GABRG3: variants seen among roughly 807,000 people sequenced by gnomAD.
The protein encoded by GABRG3 is gamma-aminobutyric acid receptor subunit gamma-3.
A neutral mutation model predicts 48.8 loss-of-function variants in GABRG3; 25 were observed. That is an observed-to-expected ratio of 0.51 (90% CI 0.37 to 0.72). The LOEUF is 0.72. GABRG3 is among the 30% of genes least tolerant of loss of function. GABRG3 has a pLI of 0.00. For missense variants in GABRG3, 394 were observed against 577.9 expected (o/e 0.68, Z 3.26); for synonymous variants, 227 against 217.6 (o/e 1.04, Z -0.38).
intron 5 of GABRG3, among the ~76,000 whole-genome samples, chr15:27,467,717 C>T (rs1342918095): frequency 6.6e-6 from 1 of 152,180 alleles, no homozygotes; most frequent in East Asian, 1.9e-4. Context: ...CAACTTTCTT[C>T]TATTTTGGCT....
At chr15:27,222,412 A>G (rs983599542) in intron 3 of GABRG3, among the ~76,000 whole-genome samples, 2 of 152,256 alleles carry the variant, frequency 1.3e-5, no homozygotes, top group Non-Finnish European at 2.9e-5. Flanking sequence ...TACTATTAAT[A>G]TGATTCCTCT....
At chr15:27,035,643 G>A (rs1896163768) in intron 3 of GABRG3, among the ~76,000 whole-genome samples, 1 of 152,196 alleles carries the variant, frequency 6.6e-6, no homozygotes, top group Non-Finnish European at 1.5e-5. Flanking sequence ...TTTGCTGCAA[G>A]CCCCCGCACA....
intron 5 of GABRG3, among the ~76,000 whole-genome samples, chr15:27,445,092 C>T (rs1284494365): frequency 6.6e-6 from 1 of 152,100 alleles, no homozygotes; most frequent in Non-Finnish European, 1.5e-5. Context: ...AGGCTGGTCT[C>T]GAACTCCTGA....
chr15:27,279,925 T>C (rs1195096606), intron 3 of GABRG3, among the ~76,000 whole-genome samples: 1 of 152,160 alleles, frequency 6.6e-6, no homozygotes, highest in Non-Finnish European at 1.5e-5. Context: ...TTTTTAAAAT[T>C]CGTGTTTTTT....
intron 6 of GABRG3, among the ~76,000 whole-genome samples, chr15:27,518,258 A>T (rs1263219772): frequency 6.6e-6 from 1 of 151,536 alleles, no homozygotes; most frequent in African/African-American, 2.4e-5. Flanking sequence ...AATCCCAGCT[A>T]CTTGAAAGGC....
At position 27,431,118 on chromosome 15, in the gene GABRG3, AC is replaced by A. The variant is rs773762762; in HGVS notation, c.575-49531del. Among the ~76,000 whole-genome samples the A allele has an allele frequency of 3.6e-4, 55 of 152,142 alleles. No homozygotes were observed. The South Asian group carries it at 0.011, about 30-fold the overall frequency. On this transcript the variant is annotated intron_variant, in intron 5 of 9. Coordinates refer to ENST00000615808, the MANE Select transcript of GABRG3 (RefSeq NM_033223.5). ...CCATCTATCCTTATGACAGTAGCAC[AC>A]TATATTTATTAGTGAAGCTCTTTAG...
chr15:27,306,263 T>C lies in GABRG3; in HGVS notation c.271-20546T>C, dbSNP rs535075377. Among the ~76,000 whole-genome samples, 18 of 139,634 alleles carry C rather than the reference T, an allele frequency of 1.3e-4. 2 individuals are homozygous for C. Among genetic ancestry groups the C allele is most frequent in the African/African-American group, 4.5e-4 (17 of 38,198 alleles). 91.6% of individuals were successfully genotyped at this position (139,634 alleles called of 152,430 possible). ...TAAACATAATATAAACATGTCTATATGTAAACATATATAACATAAACATGT... is the reference window on the plus strand; with the variant it reads ...TAAACATAATATAAACATGTCTATACGTAAACATATATAACATAAACATGT... On this transcript the variant is annotated intron_variant, in intron 3 of 9. Transcript: ENST00000615808.
Position 27,352,194 on chromosome 15 carries a change from C to A in GABRG3, c.574+23306C>A, listed in dbSNP as rs1205590290. On this transcript the variant is annotated intron_variant, in intron 5 of 9. Transcript: ENST00000615808. The surrounding 1 kb of genome is among the most constrained non-coding windows in gnomAD (Gnocchi z 4.0). ...GTATGGTGTGTGTGTTTGTGTGTATCTTGGATCCTTTTAAGACTGCGTGGC... is the reference window on the plus strand; with the variant it reads ...GTATGGTGTGTGTGTTTGTGTGTATATTGGATCCTTTTAAGACTGCGTGGC... Among the ~76,000 whole-genome samples the A allele has an allele frequency of 6.6e-6, 1 of 151,370 alleles. No homozygotes were observed. The highest frequency in any genetic ancestry group is 1.5e-5 in the Non-Finnish European group (1 of 67,816).
intron 5 of GABRG3, among the ~76,000 whole-genome samples, chr15:27,475,890 A>T (rs1476457263): frequency 2.0e-5 from 3 of 151,886 alleles, no homozygotes; most frequent in African/African-American, 7.3e-5. Context: ...GTTAATAGTG[A>T]TGTGGTGGTG....
chr15:27,062,288 C>G (rs1896660540), intron 3 of GABRG3, among the ~76,000 whole-genome samples: 2 of 151,824 alleles, frequency 1.3e-5, no homozygotes, highest in Non-Finnish European at 2.9e-5. Flanking sequence ...TGAGTTCACC[C>G]TGACCACTTT....
At chr15:27,037,550 C>G (rs1251048121) in intron 3 of GABRG3, among the ~76,000 whole-genome samples, 1 of 152,124 alleles carries the variant, frequency 6.6e-6, no homozygotes, top group African/African-American at 2.4e-5. Flanking sequence ...AGTTGTGTGT[C>G]TCTTCCCATA....
chr15:27,273,332 A>G (rs1031899196), intron 3 of GABRG3, among the ~76,000 whole-genome samples: 3 of 152,258 alleles, frequency 2.0e-5, no homozygotes, highest in African/African-American at 2.4e-5. Context: ...CTTAAAAAAC[A>G]TAGAAGTTTA....
intron 3 of GABRG3, among the ~76,000 whole-genome samples, chr15:27,265,009 T>C (rs1216740523): frequency 2.0e-5 from 3 of 152,140 alleles, no homozygotes; most frequent in Non-Finnish European, 4.4e-5. Flanking sequence ...GTTCTCACCA[T>C]TATAATCATC....
chr15:27,047,813 G>A (rs1403548106), intron 3 of GABRG3, among the ~76,000 whole-genome samples: 2 of 152,174 alleles, frequency 1.3e-5, no homozygotes, highest in African/African-American at 4.8e-5. Flanking sequence ...ATGGAATCAG[G>A]ATGGATTACC....
chr15:27,241,785 C>T (rs370790171), intron 3 of GABRG3, among the ~76,000 whole-genome samples: 5 of 152,312 alleles, frequency 3.3e-5, no homozygotes, highest in East Asian at 3.9e-4. Context: ...TCTTCTCACG[C>T]TATGTCTCTT....
intron 3 of GABRG3, among the ~76,000 whole-genome samples, chr15:27,081,492 A>G (rs1896991618): frequency 6.6e-6 from 1 of 152,224 alleles, no homozygotes; most frequent in African/African-American, 2.4e-5. Context: ...TTGAATAGAA[A>G]TACATTCATT....
At chr15:27,513,238 G>C (rs1296111420) in intron 6 of GABRG3, among the ~76,000 whole-genome samples, 1 of 152,028 alleles carries the variant, frequency 6.6e-6, no homozygotes, top group African/African-American at 2.4e-5. Context: ...ACGAGGTCAG[G>C]AGATCGAGAC....
chr15:27,343,099 C>A lies in GABRG3; in HGVS notation c.574+14211C>A, dbSNP rs140281602. 4.9e-3 allele frequency among the ~76,000 whole-genome samples: 750 copies of A among 152,320 alleles called. 9 individuals are homozygous for A. Among genetic ancestry groups the A allele is most frequent in the African/African-American group, 0.017 (715 of 41,582 alleles). ...TTCTCCTTTAAGCTCCCCTGCCCTTCGCGGTGGCTCATGGATGGTACTGTG... is the reference window on the plus strand; with the variant it reads ...TTCTCCTTTAAGCTCCCCTGCCCTTAGCGGTGGCTCATGGATGGTACTGTG... On this transcript the variant is annotated intron_variant, in intron 5 of 9. Transcript: ENST00000615808.
At chr15:27,214,693 CAT>C (rs1889184845) in intron 3 of GABRG3, among the ~76,000 whole-genome samples, 1 of 94,830 alleles carries the variant, frequency 1.1e-5, no homozygotes, top group African/African-American at 4.5e-5. Flanking sequence ...CTCACATCCA[CAT>C]TTTTTTTTTT....
Sources: allele counts gnomAD v4.1 joint callset (sites outside exome capture counted in the v4.1 genomes callset), GRCh38; gene constraint gnomAD v4.1.1; non-coding constraint Gnocchi (gnomAD v3.1); transcripts MANE v1.5; gene names NCBI Gene and HGNC (gene_info 2026-07-23, HGNC 2026-07-21).